ERBB4: variants seen among roughly 807,000 people sequenced by gnomAD.
The protein encoded by ERBB4 is receptor tyrosine-protein kinase erbB-4.
Under a neutral mutation model 158.0 loss-of-function variants are expected in ERBB4, and 42 were observed. The observed-to-expected ratio is 0.27, with a 90% confidence interval of 0.21 to 0.34. The LOEUF is 0.34. Ranked by LOEUF, ERBB4 falls within the 10% of genes least tolerant of loss-of-function variation. The pLI, the probability that ERBB4 is intolerant of heterozygous loss-of-function variation, is 1.00. For missense variants in ERBB4, 1,333 were observed against 1,624.1 expected (o/e 0.82, Z 3.08); for synonymous variants, 583 against 558.7 (o/e 1.04, Z -0.61).
chr2:212,131,216 T>A (rs1250801276), intron 1 of ERBB4, among the ~76,000 whole-genome samples: 1 of 152,180 alleles, frequency 6.6e-6, no homozygotes, highest in Non-Finnish European at 1.5e-5. Context: ...CTGCTATCCC[T>A]TCCCTGGACT....
At chr2:211,701,712 C>T (rs189200845) in intron 12 of ERBB4, among the ~76,000 whole-genome samples, 2,757 of 142,198 alleles carry the variant, frequency 0.019, 97 homozygotes, top group African/African-American at 0.068. Context: ...GCCGAGATCT[C>T]GCCACTGCAC....
At chr2:212,056,179 T>C (rs550386124) in intron 2 of ERBB4, among the ~76,000 whole-genome samples, 143 of 152,308 alleles carry the variant, frequency 9.4e-4, no homozygotes, top group African/African-American at 3.3e-3. Flanking sequence ...AGGGTATCAG[T>C]GATTGAAGAT....
At chr2:211,564,008 C>T (rs907946402) in intron 19 of ERBB4, among the ~76,000 whole-genome samples, 1 of 152,126 alleles carries the variant, frequency 6.6e-6, no homozygotes, top group Non-Finnish European at 1.5e-5. Context: ...TTCCATTTAA[C>T]ATGGTATGGC....
intron 2 of ERBB4, among the ~76,000 whole-genome samples, chr2:212,092,875 G>A (rs1437822518): frequency 2.0e-5 from 3 of 152,102 alleles, no homozygotes; most frequent in Non-Finnish European, 4.4e-5. Context: ...GAGTTGATGG[G>A]TGCAGCAAAC....
intron 2 of ERBB4, among the ~76,000 whole-genome samples, chr2:211,987,610 G>A (rs1279046932): frequency 6.6e-6 from 1 of 151,948 alleles, no homozygotes; most frequent in Non-Finnish European, 1.5e-5. Context: ...TGTGATGAAG[G>A]CTGGTTTCCT....
At chr2:211,593,605 C>T (rs2068540901) in intron 19 of ERBB4, among the ~76,000 whole-genome samples, 1 of 152,188 alleles carries the variant, frequency 6.6e-6, no homozygotes, top group Non-Finnish European at 1.5e-5. Flanking sequence ...ATCTTAGCTT[C>T]TCCCATCAAA....
intron 2 of ERBB4, among the ~76,000 whole-genome samples, chr2:212,105,317 A>G (rs1017011098): frequency 2.0e-5 from 3 of 152,196 alleles, no homozygotes; most frequent in African/African-American, 7.2e-5. Flanking sequence ...ATTATTTTAG[A>G]TATGTAGAAA....
intron 2 of ERBB4, among the ~76,000 whole-genome samples, chr2:211,966,238 A>ATTG (rs1262336363): frequency 6.6e-5 from 10 of 152,010 alleles, no homozygotes; most frequent in African/African-American, 2.4e-4. Context: ...GAATTTCAAT[A>ATTG]TTATTATTAT....
intron 1 of ERBB4, among the ~76,000 whole-genome samples, chr2:212,316,060 T>C (rs546544157): frequency 7.1e-4 from 107 of 151,532 alleles, no homozygotes; most frequent in African/African-American, 2.4e-3. Context: ...ACTATGTGAG[T>C]GACCAGAAGC....
intron 1 of ERBB4, among the ~76,000 whole-genome samples, chr2:212,336,561 T>C (rs2088450686): frequency 6.6e-6 from 1 of 152,036 alleles, no homozygotes; most frequent in Non-Finnish European, 1.5e-5. Flanking sequence ...GACATAGAAG[T>C]ACATTTCTTG....
chr2:211,674,657 A>G (rs1467106322), intron 13 of ERBB4, among the ~76,000 whole-genome samples: 1 of 152,332 alleles, frequency 6.6e-6, no homozygotes, highest in East Asian at 1.9e-4. Context: ...TAAAGCATAC[A>G]AAGTACTCAA....
At chr2:211,832,704 G>T (rs2105975052) in intron 3 of ERBB4, among the ~76,000 whole-genome samples, 1 of 151,240 alleles carries the variant, frequency 6.6e-6, no homozygotes, top group South Asian at 2.1e-4. Flanking sequence ...TCAAAAAGGG[G>T]CTGGCATGTA....
At chr2:211,429,829 T>C (rs149102217) in intron 21 of ERBB4, among the ~76,000 whole-genome samples, 135 of 152,316 alleles carry the variant, frequency 8.9e-4, no homozygotes, top group African/African-American at 3.1e-3. Context: ...CACAGGTAGC[T>C]TGATAAAGAC....
chr2:212,023,228 C>CT (rs1174185222), intron 2 of ERBB4, among the ~76,000 whole-genome samples: 1 of 152,094 alleles, frequency 6.6e-6, no homozygotes, highest in Non-Finnish European at 1.5e-5. Context: ...CTCAGCTTCA[C>CT]TTCTAAACTT....
chr2:211,541,095 G>A (rs532357937), intron 20 of ERBB4, among the ~76,000 whole-genome samples: 3 of 151,726 alleles, frequency 2.0e-5, no homozygotes, highest in East Asian at 3.9e-4. Flanking sequence ...TTTCCTTTTC[G>A]GGGGAAAAGG....
intron 1 of ERBB4, among the ~76,000 whole-genome samples, chr2:212,338,635 C>A (rs2088562011): frequency 6.6e-6 from 1 of 152,218 alleles, no homozygotes; most frequent in East Asian, 1.9e-4. Flanking sequence ...TATACCTACA[C>A]AACTCATTGA....
At chr2:212,269,792 C>A (rs1303417035) in intron 1 of ERBB4, among the ~76,000 whole-genome samples, 1 of 151,682 alleles carries the variant, frequency 6.6e-6, no homozygotes, top group Non-Finnish European at 1.5e-5. Context: ...ACATGCTAAG[C>A]CCAATTGAGT....
chr2:211,867,048 A>AT, intron 3 of ERBB4, among the ~76,000 whole-genome samples: 1 of 150,512 alleles, frequency 6.6e-6, no homozygotes, highest in African/African-American at 2.4e-5. Context: ...AAAAAAAAAA[A>AT]AAAGATCGTG....
At chr2:211,909,289 A>G (rs982182244) in intron 3 of ERBB4, among the ~76,000 whole-genome samples, 1 of 151,668 alleles carries the variant, frequency 6.6e-6, no homozygotes, top group Non-Finnish European at 1.5e-5. Flanking sequence ...TAATATTTTT[A>G]TTTTTCCATA....
Sources: allele counts gnomAD v4.1 joint callset (sites outside exome capture counted in the v4.1 genomes callset), GRCh38; gene constraint gnomAD v4.1.1; transcripts MANE v1.5; gene names NCBI Gene and HGNC (gene_info 2026-07-23, HGNC 2026-07-21).